The following RYR3 variants were observed in gnomAD, a reference collection of about 807,000 sequenced individuals.
The protein encoded by RYR3 is ryanodine receptor 3.
In RYR3, 207 loss-of-function variants were observed where a neutral mutation model predicts 584.3. That is an observed-to-expected ratio of 0.35 (90% CI 0.32 to 0.40). The LOEUF (loss-of-function observed/expected upper bound fraction) is 0.40. RYR3 is among the 10% of genes least tolerant of loss of function. RYR3 has a pLI of 1.00. For synonymous variants in RYR3, 2,416 were observed against 2,248.5 expected, an observed-to-expected ratio of 1.07 and a Z score of -2.11; for missense variants, 5,616 against 6,089.2, an observed-to-expected ratio of 0.92 and a Z score of 2.59.
intron 1 of RYR3, among the ~76,000 whole-genome samples, chr15:33,413,946 G>A (rs1267488243): frequency 6.6e-6 from 1 of 152,180 alleles, no homozygotes; most frequent in Non-Finnish European, 1.5e-5. Flanking sequence ...TTCCAAGTAC[G>A]ATGGCAGGCC....
At chr15:33,598,009 A>C (rs1320640039) in intron 16 of RYR3, among the ~76,000 whole-genome samples, 1 of 152,054 alleles carries the variant, frequency 6.6e-6, no homozygotes, top group Non-Finnish European at 1.5e-5. Flanking sequence ...ATTAAGGGAA[A>C]CAACTCAAGT....
At chr15:33,834,451 T>C (rs544033647) in intron 86 of RYR3, among the ~76,000 whole-genome samples, 9 of 150,950 alleles carry the variant, frequency 6.0e-5, no homozygotes, top group Non-Finnish European at 8.8e-5. Flanking sequence ...GGTTGAATGC[T>C]AAGATTATTA....
At chr15:33,749,957 G>T (rs2071118893) in intron 55 of RYR3, 22 bp from the exon 56 acceptor site, 9 of 1,605,600 alleles carry the variant, frequency 5.6e-6, no homozygotes, top group Admixed American at 1.7e-5. Flanking sequence ...TTTTTGACTT[G>T]GCTCTTCTTG....
chr15:33,669,485 T>C (rs1183103925), intron 37 of RYR3, 29 bp downstream of exon 37: 3 of 1,570,518 alleles, frequency 1.9e-6, no homozygotes, highest in South Asian at 1.1e-5. Flanking sequence ...GGCTTTGTCC[T>C]TTTTTTACAA....
chr15:33,797,614 T>C (rs942895254), intron 67 of RYR3, among the ~76,000 whole-genome samples: 9 of 152,134 alleles, frequency 5.9e-5, no homozygotes, highest in Non-Finnish European at 1.3e-4. Flanking sequence ...AAGAAAAATA[T>C]GTTCAGCTGA....
chr15:33,411,699 A>C (rs2043422734), intron 1 of RYR3, among the ~76,000 whole-genome samples: 1 of 152,144 alleles, frequency 6.6e-6, no homozygotes, highest in Non-Finnish European at 1.5e-5. Flanking sequence ...CCCACACACA[A>C]AAATTTATGA....
In RYR3 at chr15:33,748,238, G is replaced by T; in HGVS notation, c.8114G>T (p.Arg2705Leu). 1 of 1,613,830 alleles carries T rather than the reference G, an allele frequency of 6.2e-7. No individual in the cohort carries two copies. The highest frequency in any genetic ancestry group is 8.5e-7 in the Non-Finnish European group (1 of 1,179,858). The part of the protein sequence containing the change: ...LVQQRENEKL[R>L]SVSQANQGNS... ...CAACAGCGGGAAAATGAGAAGCTTC[G>T]AAGTGTGTCCCAGGCCAACCAGGTA... Residue 2705 changes from arginine (R) to leucine (L), a missense_variant, in exon 54 of 104, where the codon CGA becomes CTA. Arg to Leu is a moderately radical substitution (Grantham distance 102, BLOSUM62 -2). Coordinates refer to ENST00000634891, the MANE Select transcript of RYR3 (RefSeq NM_001036.6).
At chr15:33,719,455 C>T (rs1203912142) in intron 43 of RYR3, among the ~76,000 whole-genome samples, 1 of 152,172 alleles carries the variant, frequency 6.6e-6, no homozygotes, top group Non-Finnish European at 1.5e-5. Flanking sequence ...CGGTGGCTGA[C>T]CCACAAGCAT....
At chr15:33,684,375 A>T (rs1459847307) in intron 38 of RYR3, among the ~76,000 whole-genome samples, 1 of 152,216 alleles carries the variant, frequency 6.6e-6, no homozygotes, top group Non-Finnish European at 1.5e-5. Context: ...ACCTCTAGCA[A>T]ACTCCAACAG....
At chr15:33,484,351 A>G (rs1596326333) in intron 2 of RYR3, among the ~76,000 whole-genome samples, 1 of 152,206 alleles carries the variant, frequency 6.6e-6, no homozygotes, top group East Asian at 1.9e-4. Context: ...GGCATATGCA[A>G]AAGATAGAAC....
intron 2 of RYR3, among the ~76,000 whole-genome samples, chr15:33,475,907 TTAAAA>T (rs1228171236): frequency 1.3e-5 from 2 of 152,214 alleles, no homozygotes; most frequent in African/African-American, 4.8e-5. Flanking sequence ...TTCTTGTTCT[TTAAAA>T]TAAGGAAAAC....
intron 16 of RYR3, among the ~76,000 whole-genome samples, chr15:33,597,558 C>T (rs1305234115): frequency 3.3e-5 from 5 of 149,414 alleles, no homozygotes; most frequent in Non-Finnish European, 7.4e-5. Flanking sequence ...TTGCAGTGAG[C>T]CAAGATTGCA....
chr15:33,784,814 G>C (rs2074605592), intron 65 of RYR3, among the ~76,000 whole-genome samples: 2 of 152,240 alleles, frequency 1.3e-5, no homozygotes, highest in South Asian at 4.2e-4. Flanking sequence ...AGGAAAGAGT[G>C]TCCTTTACCT....
At chr15:33,323,421 T>C (rs1969269932) in intron 1 of RYR3, among the ~76,000 whole-genome samples, 1 of 152,116 alleles carries the variant, frequency 6.6e-6, no homozygotes, top group South Asian at 2.1e-4. Flanking sequence ...ATACATATTT[T>C]AATGGCAGAG....
intron 16 of RYR3, among the ~76,000 whole-genome samples, chr15:33,591,221 G>A (rs912822097): frequency 6.6e-6 from 1 of 152,054 alleles, no homozygotes; most frequent in Non-Finnish European, 1.5e-5. Flanking sequence ...TAGTTCAAAC[G>A]CCACTTCCTC....
Position 33,320,463 on chromosome 15 carries a change from T to C in RYR3, c.51+9367T>C, listed in dbSNP as rs934586532. On this transcript the variant is annotated intron_variant, in intron 1 of 103. Coordinates refer to ENST00000634891, the MANE Select transcript of RYR3 (RefSeq NM_001036.6). ...CAGCCTTAAACAAGTTACTGGAAGT[T>C]ACATAGATGAAAAAGACATCTTAAT... Among the ~76,000 whole-genome samples the C allele has an allele frequency of 5.3e-5, 8 of 152,334 alleles. No homozygotes were observed. The East Asian group carries it at 1.3e-3, about 26-fold the overall frequency.
At position 33,844,917 on chromosome 15, in the gene RYR3, C is replaced by T; in HGVS notation, c.13352C>T (p.Ser4451Phe). ...GAGGATGTTGCAAACCTATGGAATTCCTTTAATGACGAGGAAGAGGAAGAA... is the reference window on the plus strand; with the variant it reads ...GAGGATGTTGCAAACCTATGGAATTTCTTTAATGACGAGGAAGAGGAAGAA... ...ETEDVANLWN[S>F]FNDEEEEEAM... The change falls in exon 93 of 104, where the codon TCC (serine) becomes TTC (phenylalanine). Residue 4451 changes from serine (S) to phenylalanine (F), a missense_variant. This residue lies in a region of RYR3 where 918 missense variants were observed against 887.4 expected (regional missense o/e 1.03). Transcript: ENST00000634891. 1 of 1,613,998 alleles carries T rather than the reference C, an allele frequency of 6.2e-7. No homozygotes were observed.
Position 33,603,150 on chromosome 15 carries a change from C to T in RYR3, c.1950C>T (p.Val650=), listed in dbSNP as rs763303513. ...TSIRPNIFLG[V]AEGSAQYKKW... is the part of the protein sequence containing the mutation. ...TCCGGCCAAACATCTTCCTGGGAGT[C>T]GCGGAGGGCTCAGCCCAGTACAAGA... The change falls in exon 18 of 104, where the codon GTC becomes GTT. Residue 650 remains valine, a synonymous_variant. Transcript: ENST00000634891. The T allele has an allele frequency of 3.4e-5, 55 of 1,613,646 alleles. 1 individual carries two copies. In the African/African-American group the frequency reaches 5.9e-4, roughly 17 times the overall value.
chr15:33,580,743 G>A (rs1389158343), intron 13 of RYR3, among the ~76,000 whole-genome samples: 1 of 152,184 alleles, frequency 6.6e-6, no homozygotes, highest in Admixed American at 6.5e-5. Flanking sequence ...AACAGGCCAT[G>A]GTTGTACTTC....
Sources: gnomAD v4.1 joint callset for allele counts (sites outside exome capture counted in the v4.1 genomes callset) on GRCh38, gnomAD v4.1.1 for gene constraint, gnomAD v4.1.1 regional missense constraint, MANE v1.5 for transcripts, NCBI Gene and HGNC (gene_info 2026-07-23, HGNC 2026-07-21) for gene names.